The following HORMAD2 variants were observed in gnomAD, a reference collection of about 807,000 sequenced individuals.
HORMAD2 encodes HORMA domain-containing protein 2.
A neutral mutation model predicts 38.8 loss-of-function variants in HORMAD2; 45 were observed. The ratio of observed to expected loss-of-function variants is 1.16; its 90% CI spans 0.91 to 1.49. The LOEUF is 1.49. Ranked by LOEUF, HORMAD2 falls within the 40% of genes most tolerant of loss-of-function variation. The pLI is 0.00. For missense variants in HORMAD2, 338 were observed against 367.0 expected (o/e 0.92, Z 0.65); for synonymous variants, 126 against 122.8 (o/e 1.03, Z -0.17).
At chr22:30,093,445 A>G (rs1283586833) in intron 1 of HORMAD2, among the ~76,000 whole-genome samples, 1 of 152,154 alleles carries the variant, frequency 6.6e-6, no homozygotes, top group African/African-American at 2.4e-5. Flanking sequence ...ATATATATTG[A>G]GTCTCTAGGT....
chr22:30,141,596 T>C (rs1428991751), intron 10 of HORMAD2, among the ~76,000 whole-genome samples: 7 of 65,172 alleles, frequency 1.1e-4, no homozygotes, highest in Admixed American at 3.2e-4. Context: ...GAGAACATAC[T>C]TTTTTTTTTT....
the HORMAD2 span, among the ~76,000 whole-genome samples, chr22:30,191,149 C>T: frequency 1.3e-5 from 2 of 152,054 alleles, no homozygotes; most frequent in African/African-American, 2.4e-5. Flanking sequence ...GGCAATTTTC[C>T]AAAAGTTTGG....
At chr22:30,134,893 T>C (rs1444164320) in intron 10 of HORMAD2, among the ~76,000 whole-genome samples, 1 of 152,098 alleles carries the variant, frequency 6.6e-6, no homozygotes, top group Non-Finnish European at 1.5e-5. Context: ...TATTATATAA[T>C]AATAATAGCC....
intron 10 of HORMAD2, among the ~76,000 whole-genome samples, chr22:30,144,366 C>G (rs547696680): frequency 7.0e-4 from 107 of 152,342 alleles, no homozygotes; most frequent in African/African-American, 2.4e-3. Flanking sequence ...TACAGTTTAG[C>G]AAATACCTGT....
intron 1 of HORMAD2, among the ~76,000 whole-genome samples, chr22:30,082,815 G>T (rs1284430603): frequency 6.8e-6 from 1 of 148,008 alleles, no homozygotes; most frequent in Non-Finnish European, 1.5e-5. Context: ...AAAAAGAAAA[G>T]AAAAGAAAAG....
chr22:30,114,752 G>A (rs575603335), intron 7 of HORMAD2, among the ~76,000 whole-genome samples: 6 of 152,346 alleles, frequency 3.9e-5, no homozygotes, highest in Admixed American at 2.6e-4. Flanking sequence ...AATCAAACAA[G>A]TGTGTGTCCC....
intron 10 of HORMAD2, among the ~76,000 whole-genome samples, chr22:30,155,607 A>C (rs1258800360): frequency 2.0e-5 from 3 of 152,012 alleles, no homozygotes; most frequent in Non-Finnish European, 4.4e-5. Context: ...AATAGCCACA[A>C]TGTGGTTTCT....
Position 30,121,967 on chromosome 22 carries a change from C to A in HORMAD2, c.572C>A (p.Thr191Asn). The change falls in exon 10 of 11, where the codon ACC (threonine) becomes AAC (asparagine). Residue 191 changes from threonine to asparagine, a missense_variant. Physicochemically the swap from Thr to Asn is moderately conservative, Grantham distance 65 (BLOSUM62 0). Coordinates refer to ENST00000336726, the MANE Select transcript of HORMAD2 (RefSeq NM_152510.4). ...TTTTGCCCTTTTCATTTCGCAGTGA[C>A]CCCACATGATTACCAACCCCTCGGT... ...TMKLHYYNAVTPHDYQPLGFK... is the reference protein window; with the variant it reads ...TMKLHYYNAVNPHDYQPLGFK... 6.2e-7 allele frequency: 1 copy of A among 1,610,110 alleles called. No homozygotes were observed. Among genetic ancestry groups the A allele is most frequent in the Non-Finnish European group, 8.5e-7 (1 of 1,178,054 alleles).
At chr22:30,136,063 C>G (rs139996194) in intron 10 of HORMAD2, among the ~76,000 whole-genome samples, 26 of 152,246 alleles carry the variant, frequency 1.7e-4, no homozygotes, top group African/African-American at 5.3e-4. Context: ...TATGTTTACA[C>G]ACAAAAATGT....
At chr22:30,090,418 C>T (rs2068662069) in intron 1 of HORMAD2, among the ~76,000 whole-genome samples, 1 of 152,232 alleles carries the variant, frequency 6.6e-6, no homozygotes, top group East Asian at 1.9e-4. Context: ...ATTGTAAATA[C>T]CACATTTTGT....
chr22:30,203,705 A>C, the HORMAD2 span, among the ~76,000 whole-genome samples: 4 of 152,128 alleles, frequency 2.6e-5, no homozygotes, highest in African/African-American at 9.7e-5. Context: ...CCACCTTCTC[A>C]CACATTCTCA....
Position 30,093,985 on chromosome 22 carries a change from A to G in HORMAD2, c.33A>G (p.Thr11=). 1 of 1,607,838 alleles carries G rather than the reference A, an allele frequency of 6.2e-7. No individual in the cohort carries two copies. The highest frequency in any genetic ancestry group is 8.5e-7 in the Non-Finnish European group (1 of 1,176,000). MATAQLSHCI[T]IHKASKETVF... ...CTGCTCAGCTTTCTCACTGCATCAC[A>G]ATACACAAGGCTTCTAAGGTATTTG... is the stretch of plus-strand genomic sequence containing the variant. Residue 11 remains threonine, a synonymous_variant, in exon 2 of 11, where the codon ACA becomes ACG. Transcript: ENST00000336726.
intron 10 of HORMAD2, among the ~76,000 whole-genome samples, chr22:30,150,753 T>C (rs943738131): frequency 1.3e-5 from 2 of 152,206 alleles, no homozygotes; most frequent in African/African-American, 2.4e-5. Flanking sequence ...GGGGCCCAAA[T>C]AGAGATAGAG....
chr22:30,206,639 C>T, the HORMAD2 span, among the ~76,000 whole-genome samples: 1 of 151,832 alleles, frequency 6.6e-6, no homozygotes, highest in African/African-American at 2.4e-5. Context: ...ATGCCACCAT[C>T]CCCAGCTAAT....
At chr22:30,093,753 T>A (rs2068733009) in intron 1 of HORMAD2, among the ~76,000 whole-genome samples, 163 bp from the exon 2 acceptor site, 1 of 152,180 alleles carries the variant, frequency 6.6e-6, no homozygotes, top group African/African-American at 2.4e-5. Context: ...GCTTGGTAAA[T>A]TTCTCTCTGA....
At chr22:30,105,883 A>G (rs899019645) in intron 5 of HORMAD2, among the ~76,000 whole-genome samples, 4 of 152,202 alleles carry the variant, frequency 2.6e-5, no homozygotes, top group African/African-American at 9.7e-5. Flanking sequence ...AACACTCCAA[A>G]ATCCAGTAAC....
chr22:30,179,341 T>G (rs1404929892), downstream of HORMAD2, among the ~76,000 whole-genome samples: 3 of 152,192 alleles, frequency 2.0e-5, no homozygotes, highest in Admixed American at 6.5e-5. Context: ...ATGTATCCCC[T>G]TTAGACATTT....
chr22:30,137,164 G>T, intron 10 of HORMAD2: 2 of 527,412 alleles, frequency 3.8e-6, no homozygotes, highest in South Asian at 3.6e-5. Flanking sequence ...TCCATGCCAT[G>T]GAAATTAATC....
rs1042250827 is a variant in HORMAD2, at chr22:30,088,832, G to C, written c.-37-5084G>C. 3.3e-5 allele frequency among the ~76,000 whole-genome samples: 5 copies of C among 151,794 alleles called. No homozygotes were observed. The South Asian group carries it at 8.3e-4, about 25-fold the overall frequency. On this transcript the variant is annotated intron_variant, in intron 1 of 10. Transcript: ENST00000336726. ...AAGACTAATAACTACCCCAGTAGTGGGTAGTGTATTATGGTTTAATGGGCT... is the reference window on the plus strand; with the variant it reads ...AAGACTAATAACTACCCCAGTAGTGCGTAGTGTATTATGGTTTAATGGGCT...
Sources: gnomAD v4.1 joint callset for allele counts (sites outside exome capture counted in the v4.1 genomes callset) on GRCh38, gnomAD v4.1.1 for gene constraint, MANE v1.5 for transcripts, NCBI Gene and HGNC (gene_info 2026-07-23, HGNC 2026-07-21) for gene names.